TMEM44: variants seen among roughly 807,000 people sequenced by gnomAD.
TMEM44 encodes the protein transmembrane protein 44.
In TMEM44, 43 loss-of-function variants were observed where a neutral mutation model predicts 47.8. The observed-to-expected ratio is 0.90, with a 90% CI of 0.70 to 1.16. The LOEUF is 1.16. Among genes scored for constraint, TMEM44 ranks in the 50% most tolerant of loss-of-function variants. The pLI is 0.00. For missense variants in TMEM44, 568 were observed against 555.2 expected (o/e 1.02, Z -0.23); for synonymous variants, 277 against 238.8 (o/e 1.16, Z -1.48).
intron 5 of TMEM44, among the ~76,000 whole-genome samples, chr3:194,618,796 T>G (rs1716222201): frequency 6.6e-6 from 1 of 152,204 alleles, no homozygotes; most frequent in African/African-American, 2.4e-5. Context: ...AAAGAATCCT[T>G]AAGAGTGTCA....
At chr3:194,619,286 T>A (rs937882525) in intron 5 of TMEM44, among the ~76,000 whole-genome samples, 1 of 152,250 alleles carries the variant, frequency 6.6e-6, no homozygotes, top group African/African-American at 2.4e-5. Context: ...GCTCTATTTA[T>A]CTGCAGTGCC....
At chr3:194,625,630 G>A (rs568992048) in intron 3 of TMEM44, among the ~76,000 whole-genome samples, 1 of 152,076 alleles carries the variant, frequency 6.6e-6, no homozygotes, top group Admixed American at 6.6e-5. Context: ...ACAGGCGCAC[G>A]CCACCACACC....
At position 194,623,705 on chromosome 3, in the gene TMEM44, A is replaced by T; in HGVS notation, c.359-10T>A. The stretch of plus-strand genomic sequence containing the variant: ...TCTCGGGCTTCCCGATCTGCAACAG[A>T]CACCAAAATCCCACATGGCTCCTGG... On this transcript the variant is annotated splice_polypyrimidine_tract_variant and intron_variant, in intron 3 of 9. Coordinates refer to ENST00000347147, the MANE Select transcript of TMEM44 (RefSeq NM_001011655.3). 1 of 1,613,920 alleles carries T rather than the reference A, an allele frequency of 6.2e-7. No homozygotes were observed. Among genetic ancestry groups the T allele is most frequent in the South Asian group, 1.1e-5 (1 of 91,042 alleles).
intron 1 of TMEM44, among the ~76,000 whole-genome samples, chr3:194,631,806 G>C (rs1051138278): frequency 6.6e-6 from 1 of 152,172 alleles, no homozygotes; most frequent in African/African-American, 2.4e-5. Context: ...TCTTCTAAGA[G>C]AAAGGGGAGC....
At chr3:194,591,446 A>G (rs1235337325) in intron 9 of TMEM44, among the ~76,000 whole-genome samples, 1 of 152,216 alleles carries the variant, frequency 6.6e-6, no homozygotes, top group East Asian at 1.9e-4. Flanking sequence ...GTGAGCCGAG[A>G]TCACGCCACT....
chr3:194,617,159 G>A lies in TMEM44; in HGVS notation c.723C>T (p.Tyr241=). 1 of 1,558,710 alleles carries A rather than the reference G, an allele frequency of 6.4e-7. No individual in the cohort carries two copies. The highest frequency in any genetic ancestry group is 8.7e-7 in the Non-Finnish European group (1 of 1,151,968). ...GGAACCAGGGTGTGGCCCGCAGCAG[G>A]TACTCAGGGTGCTGGTCGTGGGCCA... The part of the protein sequence containing the change: ...AIVAHDQHPE[Y]LLRATPWFLT... The change falls in exon 6 of 10, where the codon TAC becomes TAT. Residue 241 remains tyrosine, a synonymous_variant. Coordinates refer to ENST00000347147, the MANE Select transcript of TMEM44 (RefSeq NM_001011655.3).
At chr3:194,594,121 A>G (rs566789614) in intron 9 of TMEM44, among the ~76,000 whole-genome samples, 1 of 70,472 alleles carries the variant, frequency 1.4e-5, no homozygotes, top group African/African-American at 4.9e-5. Context: ...CTAATTTTCT[A>G]TCTATCTATC....
intron 9 of TMEM44, among the ~76,000 whole-genome samples, chr3:194,603,916 C>T (rs1191802787): frequency 6.6e-6 from 1 of 151,622 alleles, no homozygotes; most frequent in Non-Finnish European, 1.5e-5. Flanking sequence ...TGCAATGGCG[C>T]AATCTCGGCT....
intron 1 of TMEM44, 50 bp downstream of exon 1, chr3:194,633,029 T>C (rs1197162545): frequency 1.8e-5 from 28 of 1,538,650 alleles, no homozygotes; most frequent in Non-Finnish European, 2.1e-5. Flanking sequence ...CAGCAGGGGA[T>C]TGGCGCCCGT....
chr3:194,610,891 C>A, intron 8 of TMEM44, 25 bp downstream of exon 8: 1 of 1,596,458 alleles, frequency 6.3e-7, no homozygotes, highest in Admixed American at 1.7e-5. Context: ...TCTCAGACAC[C>A]TGGCCATGAC....
At chr3:194,621,396 A>T (rs1267003186) in intron 5 of TMEM44, among the ~76,000 whole-genome samples, 1 of 152,082 alleles carries the variant, frequency 6.6e-6, no homozygotes, top group Non-Finnish European at 1.5e-5. Context: ...TTGTTACGAC[A>T]GCCCTAGGGA....
At chr3:194,603,144 G>A (rs1714345700) in intron 9 of TMEM44, among the ~76,000 whole-genome samples, 1 of 152,176 alleles carries the variant, frequency 6.6e-6, no homozygotes, top group South Asian at 2.1e-4. Flanking sequence ...CGCTGAATGG[G>A]GCTGGGAACC....
intron 7 of TMEM44, among the ~76,000 whole-genome samples, chr3:194,614,874 T>C (rs1285566410): frequency 2.6e-5 from 4 of 152,218 alleles, no homozygotes; most frequent in Non-Finnish European, 4.4e-5. Context: ...ATTTGTATAA[T>C]TGCGAAACCG....
rs544297172 is a variant in TMEM44 at position 194,630,211 on chromosome 3, C to T, written c.138-1702G>A. ...CACTGATAGGGCCCCTGAAATAATA[C>T]GCTGTCGTACTGCCTCCCGAAGGGG... On this transcript the variant is annotated intron_variant, in intron 1 of 9. Transcript: ENST00000347147. Among the ~76,000 whole-genome samples the T allele has an allele frequency of 2.1e-3, 50 of 24,062 alleles. 1 individual carries two copies. Among genetic ancestry groups the T allele is most frequent in the African/African-American group, 7.5e-3 (47 of 6,280 alleles). The allele number at this position is 24,062 out of a possible 152,430, so 15.8% of individuals were successfully genotyped here.
At chr3:194,603,544 C>T (rs1260225437) in intron 9 of TMEM44, among the ~76,000 whole-genome samples, 3 of 151,874 alleles carry the variant, frequency 2.0e-5, no homozygotes, top group Non-Finnish European at 2.9e-5. Flanking sequence ...ATTACAGGTG[C>T]GAACCACCAC....
intron 5 of TMEM44, chr3:194,617,858 T>G: frequency 1.5e-6 from 1 of 647,368 alleles, no homozygotes; most frequent in Non-Finnish European, 2.8e-6. Context: ...CTCACGACAG[T>G]GAGTGAGTTC....
rs1372833822 is a variant in TMEM44 at position 194,604,426 on chromosome 3, C to T, written c.1037G>A (p.Arg346Lys). Residue 346 changes from arginine (R) to lysine (K), a missense_variant, in exon 9 of 10, where the codon AGG becomes AAG. Transcript: ENST00000347147. ...GCTCGTCTGCCCGTCACCTGGCAGCCTGGTGGCACTGCAGCCTGCCTGCAA... is the reference window on the plus strand; with the variant it reads ...GCTCGTCTGCCCGTCACCTGGCAGCTTGGTGGCACTGCAGCCTGCCTGCAA... ...PVQQAGCSAT[R>K]LPGDGQTSAG... 7.9e-6 allele frequency: 12 copies of T among 1,522,452 alleles called. No individual in the cohort carries two copies. Among genetic ancestry groups the T allele is most frequent in the Non-Finnish European group, 1.1e-5 (12 of 1,127,798 alleles). The allele number at this position is 1,522,452 out of a possible 1,614,324, so 94.3% of individuals were successfully genotyped here.
rs749604344 is a variant in TMEM44, at chr3:194,617,222, C to A, written c.660G>T (p.Leu220=). Residue 220 remains leucine, a synonymous_variant, in exon 6 of 10, where the codon CTG becomes CTT. Transcript: ENST00000347147. ...FPSIHLWTRL[L]SALAGLLYAS... ...CATAGAGGAGGCCAGCCAGGGCCGA[C>A]AGGAGCCGGGTCCACAGGTGGATGG... The A allele has an allele frequency of 3.2e-6, 5 of 1,551,710 alleles. No individual in the cohort carries two copies. The highest frequency in any genetic ancestry group is 1.4e-5 in the African/African-American group (1 of 73,262).
rs184411801 is a variant in TMEM44 at position 194,626,303 on chromosome 3, C to T, written c.265-313G>A. Among the ~76,000 whole-genome samples, 18 of 152,382 alleles carry T rather than the reference C, an allele frequency of 1.2e-4. No homozygotes were observed. The East Asian group carries it at 3.3e-3, about 28-fold the overall frequency. On this transcript the variant is annotated intron_variant, in intron 2 of 9. Transcript: ENST00000347147. Reference sequence around the variant, plus strand: ...CGTGAGGCAGTCTCTGCTGTGTACCCTTGGCCCACTGAGCTTCTCTGGCGC... The same window carrying T: ...CGTGAGGCAGTCTCTGCTGTGTACCTTTGGCCCACTGAGCTTCTCTGGCGC...
Sources: allele counts gnomAD v4.1 joint callset (sites outside exome capture counted in the v4.1 genomes callset), GRCh38; gene constraint gnomAD v4.1.1; transcripts MANE v1.5; gene names NCBI Gene and HGNC (gene_info 2026-07-23, HGNC 2026-07-21).